DDHD1: variants seen among roughly 807,000 people sequenced by gnomAD.
DDHD1 encodes the protein DDHD domain containing 1.
DDHD1 carries 49 observed loss-of-function variants against 96.4 expected under a neutral mutation model. That is an observed-to-expected ratio of 0.51 (90% CI 0.40 to 0.64). DDHD1 has a LOEUF of 0.64. DDHD1 is among the 30% of genes least tolerant of loss of function. The pLI is 0.00. For synonymous variants in DDHD1, 442 were observed against 446.5 expected (o/e 0.99, Z 0.13); for missense variants, 1,106 against 1,161.2 (o/e 0.95, Z 0.69).
At chr14:53,049,989 G>A (rs1032669046) in intron 12 of DDHD1, among the ~76,000 whole-genome samples, 8 of 152,212 alleles carry the variant, frequency 5.3e-5, no homozygotes, top group Non-Finnish European at 1.0e-4. Flanking sequence ...AGTGTCATCA[G>A]TAGCGTGCTT....
chr14:53,131,911 G>A (rs1889892727), intron 1 of DDHD1, among the ~76,000 whole-genome samples: 2 of 151,980 alleles, frequency 1.3e-5, no homozygotes, highest in South Asian at 2.1e-4. Flanking sequence ...ATGAAAACAT[G>A]CATGCTCTCC....
intron 6 of DDHD1, among the ~76,000 whole-genome samples, chr14:53,071,194 C>G (rs761675724): frequency 3.3e-5 from 5 of 152,056 alleles, no homozygotes; most frequent in Non-Finnish European, 7.4e-5. Flanking sequence ...TACAGTGGGA[C>G]TGGAATCAAG....
chr14:53,056,350 T>C (rs988506232), intron 9 of DDHD1, among the ~76,000 whole-genome samples: 8 of 152,188 alleles, frequency 5.3e-5, no homozygotes, highest in Non-Finnish European at 1.2e-4. Context: ...AGAGCATCTG[T>C]CTGATGTGAA....
At chr14:53,148,752 G>A (rs1891163624) in intron 1 of DDHD1, among the ~76,000 whole-genome samples, 1 of 152,200 alleles carries the variant, frequency 6.6e-6, no homozygotes, top group African/African-American at 2.4e-5. Flanking sequence ...ATGAGGTACT[G>A]AGTAATAACA....
chr14:53,083,108 C>CA (rs1236450315), intron 4 of DDHD1, among the ~76,000 whole-genome samples: 1 of 151,908 alleles, frequency 6.6e-6, no homozygotes, highest in Non-Finnish European at 1.5e-5. Context: ...ATGTCCTGTT[C>CA]AAAAAAATAA....
intron 4 of DDHD1, among the ~76,000 whole-genome samples, chr14:53,085,005 G>A (rs968223155): frequency 6.6e-6 from 1 of 152,250 alleles, no homozygotes; most frequent in Non-Finnish European, 1.5e-5. Flanking sequence ...CACACCCACA[G>A]AGCCTTGCTC....
Position 53,073,775 on chromosome 14 carries a change from A to C in DDHD1, c.1362T>G (p.Pro454=). Residue 454 remains proline (P), a synonymous_variant, in exon 5 of 13, where the codon CCT becomes CCG. Coordinates refer to ENST00000673822, the MANE Select transcript of DDHD1 (RefSeq NM_001160148.2). The part of the protein sequence containing the change: ...SNHATHVEFL[P]VEWRSKLTLD... ...GAGTAAGTTTTGACCGCCACTCAACAGGCAGAAATTCAACATGTGTTGCAT... is the reference window on the plus strand; with the variant it reads ...GAGTAAGTTTTGACCGCCACTCAACCGGCAGAAATTCAACATGTGTTGCAT... The C allele has an allele frequency of 6.2e-7, 1 of 1,609,910 alleles. No individual in the cohort carries two copies. The highest frequency in any genetic ancestry group is 8.5e-7 in the Non-Finnish European group (1 of 1,177,380).
intron 8 of DDHD1, among the ~76,000 whole-genome samples, chr14:53,060,430 C>T (rs1388685342): frequency 2.0e-5 from 3 of 152,216 alleles, no homozygotes; most frequent in Non-Finnish European, 4.4e-5. Context: ...TCACTGCCTC[C>T]TTGTCCTGAC....
Position 53,152,652 on chromosome 14 carries a change from G to A in DDHD1, c.447C>T (p.Gly149=). 1.2e-6 allele frequency: 2 copies of A among 1,612,998 alleles called. No individual in the cohort carries two copies. The highest frequency in any genetic ancestry group is 1.7e-6 in the Non-Finnish European group (2 of 1,179,840). ...SPGERKRTRL[G]GPAARHRYEV... ...CATAGCGGTGCCGGGCCGCCGGGCC[G>A]CCAAGCCGGGTACGTTTCCTTTCCC... Residue 149 remains glycine, a synonymous_variant, in exon 1 of 13, where the codon GGC becomes GGT. Coordinates refer to ENST00000673822, the MANE Select transcript of DDHD1 (RefSeq NM_001160148.2).
intron 1 of DDHD1, among the ~76,000 whole-genome samples, chr14:53,114,212 C>A (rs1053021089): frequency 6.6e-6 from 1 of 152,232 alleles, no homozygotes; most frequent in Non-Finnish European, 1.5e-5. Context: ...AAGACAGCAG[C>A]GCCAGTCAGG....
chr14:53,067,304 G>A (rs532992113), intron 6 of DDHD1, among the ~76,000 whole-genome samples: 25 of 151,882 alleles, frequency 1.6e-4, no homozygotes, highest in African/African-American at 5.3e-4. Context: ...GACTACAGGT[G>A]CCTGTCACCA....
chr14:53,152,762 T>TGCTGCC lies in DDHD1; in HGVS notation c.336_337insGGCAGC (p.Gly112_Ser113insGlySer), dbSNP rs140904345. ...TGCGGCGGGTGCAGCGACAAGGAGCTGCCGCCGCCGCCGCTCTCACCCTCG... is the reference window on the plus strand; with the variant it reads ...TGCGGCGGGTGCAGCGACAAGGAGCTGCTGCCGCCGCCGCCGCCGCTCTCACCCTCG... On this transcript the variant is annotated inframe_insertion, in exon 1 of 13. Coordinates refer to ENST00000673822, the MANE Select transcript of DDHD1 (RefSeq NM_001160148.2). 1.3e-6 allele frequency: 2 copies of TGCTGCC among 1,576,512 alleles called. No individual in the cohort carries two copies. Among genetic ancestry groups the TGCTGCC allele is most frequent in the Admixed American group, 1.8e-5 (1 of 54,470 alleles).
In DDHD1 at chr14:53,061,096, A is replaced by G. The variant is rs777727307; in HGVS notation, c.1842+30T>C. On this transcript the variant is annotated intron_variant, in intron 8 of 12. Transcript: ENST00000673822. ...GACGTTAAAAAAAATACTGAGATCA[A>G]TGTTGAAGAACACATTGCTCTTTCC... 31 of 1,583,024 alleles carry G rather than the reference A, an allele frequency of 2.0e-5. No individual in the cohort carries two copies. The Admixed American group carries it at 4.4e-4, about 23-fold the overall frequency.
rs1214118427 is a variant in DDHD1 at position 53,073,154 on chromosome 14, A to G, written c.1397-451T>C. Among the ~76,000 whole-genome samples the G allele has an allele frequency of 2.0e-5, 3 of 152,214 alleles. No individual in the cohort carries two copies. In the East Asian group the frequency reaches 5.8e-4, roughly 29 times the overall value. ...TGTTTTTATGGTTTTAATATTTAAC[A>G]GACATAACTTTGTGTAAAGAAAGAC... On this transcript the variant is annotated intron_variant, in intron 5 of 12. Transcript: ENST00000673822.
chr14:53,086,731 A>C (rs1885994116), intron 4 of DDHD1, among the ~76,000 whole-genome samples: 1 of 152,192 alleles, frequency 6.6e-6, no homozygotes, highest in African/African-American at 2.4e-5. Context: ...TGCTGGGAAG[A>C]AACTGCAGCA....
intron 4 of DDHD1, among the ~76,000 whole-genome samples, chr14:53,080,717 C>CTTCCTTTTTTTTTTTTTTT (rs781757807): frequency 1.1e-5 from 1 of 89,538 alleles, no homozygotes; most frequent in African/African-American, 5.2e-5. Context: ...TTCCTTCCCC[C>CTTCCTTTTTTTTTTTTTTT]TTTTTTTTTT....
At position 53,093,351 on chromosome 14, in the gene DDHD1, G is replaced by T; in HGVS notation, c.1106C>A (p.Ala369Glu). The T allele has an allele frequency of 6.2e-7, 1 of 1,612,204 alleles. No homozygotes were observed. The highest frequency in any genetic ancestry group is 8.5e-7 in the Non-Finnish European group (1 of 1,179,452). ...LYSDATTSKI[A>E]RTVTQKLGFS... is the part of the protein sequence containing the mutation. ...TCCCAGTTTTTGGGTAACTGTTCTTGCAATTTTAGATGTTGTTGCATCACT... is the reference window on the plus strand; with the variant it reads ...TCCCAGTTTTTGGGTAACTGTTCTTTCAATTTTAGATGTTGTTGCATCACT... Residue 369 changes from alanine to glutamate, a missense_variant, in exon 3 of 13, where the codon GCA (alanine) becomes GAA (glutamate). Transcript: ENST00000673822.
chr14:53,129,372 C>G (rs1889694849), intron 1 of DDHD1, among the ~76,000 whole-genome samples: 1 of 152,230 alleles, frequency 6.6e-6, no homozygotes, highest in Non-Finnish European at 1.5e-5. Context: ...CTCCACCCTT[C>G]AATCTCTCCC....
intron 1 of DDHD1, among the ~76,000 whole-genome samples, chr14:53,113,694 G>T (rs1210187556): frequency 6.6e-6 from 1 of 152,190 alleles, no homozygotes; most frequent in Non-Finnish European, 1.5e-5. Flanking sequence ...GTGCTACCCA[G>T]CTGGGTTACT....
Sources: allele counts gnomAD v4.1 joint callset (sites outside exome capture counted in the v4.1 genomes callset), GRCh38; gene constraint gnomAD v4.1.1; transcripts MANE v1.5; gene names NCBI Gene and HGNC (gene_info 2026-07-23, HGNC 2026-07-21).